Variants in CEP128 observed in about 807,000 individuals in gnomAD.
CEP128 encodes the protein centrosomal protein 128, also known as centrosomal protein 128kDa.
In CEP128, 132 loss-of-function variants were observed where a neutral mutation model predicts 156.7. The ratio of observed to expected loss-of-function variants is 0.84; its 90% CI spans 0.73 to 0.97. The LOEUF (loss-of-function observed/expected upper bound fraction) is 0.97. CEP128 is among the 50% of genes least tolerant of loss of function. The pLI is 0.00. For missense variants in CEP128, 1,252 were observed against 1,281.9 expected, an observed-to-expected ratio of 0.98 and a Z score of 0.36; for synonymous variants, 469 against 448.9, an observed-to-expected ratio of 1.04 and a Z score of -0.57.
chr14:80,556,825 G>A (rs1890457997), intron 21 of CEP128, among the ~76,000 whole-genome samples: 1 of 152,132 alleles, frequency 6.6e-6, no homozygotes, highest in African/African-American at 2.4e-5. Context: ...TGACTTGGGA[G>A]AGAATAATAA....
At chr14:80,624,474 A>G (rs1020434498) in intron 19 of CEP128, among the ~76,000 whole-genome samples, 10 of 152,056 alleles carry the variant, frequency 6.6e-5, no homozygotes, top group African/African-American at 2.4e-4. Flanking sequence ...AAGGTAGTTC[A>G]ATTTTTAGTT....
rs769234142 is a variant in CEP128, at chr14:80,895,713, C to A, written c.645+5G>T. 3 of 1,543,082 alleles carry A rather than the reference C, an allele frequency of 1.9e-6. No individual in the cohort carries two copies. Among genetic ancestry groups the A allele is most frequent in the Non-Finnish European group, 2.6e-6 (3 of 1,144,658 alleles). ...TAAAACTTTTTATTAAAAAAGAGATCTCACCACTTCTTGTTTCTGGGCTTC... is the reference window on the plus strand; with the variant it reads ...TAAAACTTTTTATTAAAAAAGAGATATCACCACTTCTTGTTTCTGGGCTTC... On this transcript the variant is annotated splice_donor_5th_base_variant and intron_variant, in intron 8 of 24. Transcript: ENST00000555265.
At chr14:80,520,439 A>C (rs1171183809) in intron 23 of CEP128, among the ~76,000 whole-genome samples, 1 of 123,462 alleles carries the variant, frequency 8.1e-6, no homozygotes, top group African/African-American at 2.6e-5. Context: ...CAAACAAACA[A>C]ACAAAAAACA....
chr14:80,734,613 G>A (rs980836418), intron 19 of CEP128, among the ~76,000 whole-genome samples: 10 of 151,956 alleles, frequency 6.6e-5, no homozygotes, highest in African/African-American at 2.4e-4. Flanking sequence ...ACTTTGGGAG[G>A]CCGAGGCGGG....
chr14:80,788,264 G>A (rs1163290659), intron 14 of CEP128, among the ~76,000 whole-genome samples: 1 of 148,600 alleles, frequency 6.7e-6, no homozygotes, highest in Non-Finnish European at 1.5e-5. Flanking sequence ...CAGTGGAATT[G>A]GGTTCTCTTT....
intron 19 of CEP128, among the ~76,000 whole-genome samples, chr14:80,625,830 CTTCT>C (rs1295596260): frequency 2.1e-5 from 3 of 145,532 alleles, no homozygotes; most frequent in East Asian, 2.0e-4. Context: ...TTTTTTCTCC[CTTCT>C]TTCTTTTTTC....
intron 19 of CEP128, 192 bp downstream of exon 19, chr14:80,742,883 G>A (rs1259574321): frequency 1.7e-6 from 1 of 577,478 alleles, no homozygotes; most frequent in East Asian, 2.9e-5. Flanking sequence ...ATACACAGGA[G>A]GAATGCTGTG....
At chr14:80,857,611 C>T (rs1887254201) in intron 9 of CEP128, among the ~76,000 whole-genome samples, 1 of 151,614 alleles carries the variant, frequency 6.6e-6, no homozygotes, top group Admixed American at 6.6e-5. Flanking sequence ...CATGGTGATG[C>T]CTGCCTGTAG....
rs1449846316 is a variant in CEP128 at position 80,836,238 on chromosome 14, C to T, written c.1024G>A (p.Asp342Asn). Residue 342 changes from aspartate to asparagine, a missense_variant, in exon 12 of 25, where the codon GAT becomes AAT. Physicochemically the swap from Asp to Asn is conservative, Grantham distance 23. Coordinates refer to ENST00000555265, the MANE Select transcript of CEP128 (RefSeq NM_152446.5). The stretch of plus-strand genomic sequence containing the variant: ...AATCTCCAGTCCTCCCCTTGTTCAT[C>T]CTGATAGTTTGACTGTTGCTTGGAA... ...QISKQQSNYQ[D>N]EQGEDWRFRR... is the part of the protein sequence containing the mutation. The T allele has an allele frequency of 3.1e-6, 5 of 1,613,886 alleles. No homozygotes were observed. The highest frequency in any genetic ancestry group is 4.2e-6 in the Non-Finnish European group (5 of 1,179,932).
At chr14:80,534,569 T>C (rs1889389709) in intron 21 of CEP128, among the ~76,000 whole-genome samples, 1 of 152,206 alleles carries the variant, frequency 6.6e-6, no homozygotes, top group Admixed American at 6.5e-5. Flanking sequence ...CTCACGCCTG[T>C]AATCCCAACA....
chr14:80,718,697 A>T (rs1207456570), intron 19 of CEP128, among the ~76,000 whole-genome samples: 1 of 152,188 alleles, frequency 6.6e-6, no homozygotes, highest in African/African-American at 2.4e-5. Flanking sequence ...CTCTTCTGTG[A>T]GAACATTAAT....
At chr14:80,700,007 A>T (rs1897019420) in intron 19 of CEP128, among the ~76,000 whole-genome samples, 1 of 152,162 alleles carries the variant, frequency 6.6e-6, no homozygotes, top group Admixed American at 6.6e-5. Flanking sequence ...TTCTAAGAAC[A>T]CGGAGGGCTT....
At chr14:80,889,115 C>T (rs1208582619) in intron 8 of CEP128, among the ~76,000 whole-genome samples, 1 of 152,080 alleles carries the variant, frequency 6.6e-6, no homozygotes, top group African/African-American at 2.4e-5. Flanking sequence ...ACCCACTGCT[C>T]AAGGAAATAA....
intron 18 of CEP128, among the ~76,000 whole-genome samples, chr14:80,747,896 TCCTG>T (rs1899186731): frequency 6.6e-6 from 1 of 152,180 alleles, no homozygotes; most frequent in Non-Finnish European, 1.5e-5. Context: ...GGCTAAGGCG[TCCTG>T]ATTTTCTACT....
intron 7 of CEP128, among the ~76,000 whole-genome samples, chr14:80,896,201 C>G (rs1889343383): frequency 6.6e-6 from 1 of 152,190 alleles, no homozygotes; most frequent in African/African-American, 2.4e-5. Flanking sequence ...ATCTTACACC[C>G]TCTTTCTAGC....
chr14:80,899,602 A>C (rs1566702525), intron 7 of CEP128, among the ~76,000 whole-genome samples: 1 of 152,168 alleles, frequency 6.6e-6, no homozygotes, highest in Admixed American at 6.5e-5. Context: ...GCAATGCCAA[A>C]AGTCAGTCAG....
At chr14:80,605,996 TTA>T (rs1351412475) in intron 19 of CEP128, among the ~76,000 whole-genome samples, 1 of 151,840 alleles carries the variant, frequency 6.6e-6, no homozygotes, top group East Asian at 1.9e-4. Context: ...TATTATAATT[TTA>T]TCTTTATAAA....
chr14:80,777,211 GTGGGAGGTGATTTGGGAGGTGAT>G lies in CEP128; in HGVS notation c.2376+648_2376+670del, dbSNP rs570954993. The stretch of plus-strand genomic sequence containing the variant: ...ATCTACAATGTGATGATAATTGAGG[GTGGGAGGTGATTTGGGAGGTGAT>G]TGGGAGGTGATTTGGGAGGTGAATG... On this transcript the variant is annotated intron_variant, in intron 16 of 24. Coordinates refer to ENST00000555265, the MANE Select transcript of CEP128 (RefSeq NM_152446.5). Among the ~76,000 whole-genome samples, 23 of 152,260 alleles carry G rather than the reference GTGGGAGGTGATTTGGGAGGTGAT, an allele frequency of 1.5e-4. No individual in the cohort carries two copies. In the East Asian group the frequency reaches 2.9e-3, roughly 19 times the overall value.
At chr14:80,942,670 T>C (rs970879056), upstream of CEP128, among the ~76,000 whole-genome samples, 1 of 148,522 alleles carries the variant, frequency 6.7e-6, no homozygotes, top group African/African-American at 2.6e-5. Flanking sequence ...ATAATCCATT[T>C]CCCAGTTGGT....
Sources: allele counts gnomAD v4.1 joint callset (sites outside exome capture counted in the v4.1 genomes callset), GRCh38; gene constraint gnomAD v4.1.1; transcripts MANE v1.5; gene names NCBI Gene and HGNC (gene_info 2026-07-23, HGNC 2026-07-21).